BEND2: variants seen among roughly 807,000 people sequenced by gnomAD.
BEND2 encodes the protein BEN domain containing 2.
A neutral mutation model predicts 43.8 loss-of-function variants in BEND2; 19 were observed. That is an observed-to-expected ratio of 0.43 (90% CI 0.30 to 0.64). The LOEUF is 0.64. Ranked by LOEUF, BEND2 falls within the 30% of genes least tolerant of loss-of-function variation. The pLI, the probability that BEND2 is intolerant of heterozygous loss-of-function variation, is 0.11. For missense variants in BEND2, 544 were observed against 574.0 expected, an observed-to-expected ratio of 0.95 and a Z score of 0.53; for synonymous variants, 226 against 210.1, an observed-to-expected ratio of 1.08 and a Z score of -0.66.
chrX:18,196,291 T>C (rs1453220855), intron 6 of BEND2, among the ~76,000 whole-genome samples: 1 of 104,224 alleles, frequency 9.6e-6, no homozygotes, highest in Non-Finnish European at 2.0e-5. Flanking sequence ...AGAGCGAGAC[T>C]GTCTCAATTG....
chrX:18,202,052 G>A, intron 5 of BEND2, 112 bp from the exon 6 acceptor site: 3 of 788,033 alleles, frequency 3.8e-6, no homozygotes, highest in Non-Finnish European at 5.3e-6. Context: ...CACACACAAA[G>A]GAAAACAAAA....
chrX:18,216,729 A>G lies in BEND2; in HGVS notation c.30T>C (p.Phe10=). ...CACTGTCGTCGACAGTTATAATAAC[A>G]AAATCTAAGAATAAGCAAAGAGGAA... The part of the protein sequence containing the change: MSERTQEQD[F]VIITVDDSDD... The change falls in exon 2 of 14, where the codon TTT becomes TTC. Residue 10 remains phenylalanine, a synonymous_variant. Coordinates refer to ENST00000380033, the MANE Select transcript of BEND2 (RefSeq NM_153346.5). 8.5e-7 allele frequency: 1 copy of G among 1,179,578 alleles called. No homozygotes were observed. The highest frequency in any genetic ancestry group is 1.2e-6 in the Non-Finnish European group (1 of 868,403).
chrX:18,187,963 G>T (rs5955943), intron 8 of BEND2, among the ~76,000 whole-genome samples: 3,464 of 108,290 alleles, frequency 0.032, 127 homozygotes, highest in African/African-American at 0.11. Context: ...GAGGGAAATT[G>T]AAAAAAAAAT....
intron 1 of BEND2, 46 bp from the exon 2 acceptor site, chrX:18,216,779 T>C (rs1183144262): frequency 1.0e-6 from 1 of 999,322 alleles, no homozygotes; most frequent in East Asian, 3.2e-5. Context: ...TCACATTAAA[T>C]AAACAGTTTC....
intron 9 of BEND2, among the ~76,000 whole-genome samples, chrX:18,178,112 C>T (rs1202676727): frequency 9.0e-6 from 1 of 111,593 alleles, no homozygotes; most frequent in African/African-American, 3.3e-5. Flanking sequence ...GCCCTGAGTT[C>T]CCACTGCTCC....
intron 13 of BEND2, among the ~76,000 whole-genome samples, chrX:18,169,895 T>C (rs1029321729): frequency 2.7e-5 from 3 of 112,228 alleles, no homozygotes; most frequent in Non-Finnish European, 5.6e-5. Context: ...ATATTTTTCA[T>C]CAACTTTTAA....
chrX:18,190,267 A>T (rs990929141), intron 8 of BEND2, among the ~76,000 whole-genome samples: 4 of 111,502 alleles, frequency 3.6e-5, no homozygotes, highest in African/African-American at 1.3e-4. Flanking sequence ...TTCACACAAA[A>T]ACCTGTACTC....
At chrX:18,165,298 T>C in intron 13 of BEND2, 75 bp from the exon 14 acceptor site, 1 of 832,427 alleles carries the variant, frequency 1.2e-6, no homozygotes, top group Non-Finnish European at 1.8e-6. Context: ...TCAACTTTCA[T>C]TCTACTACTG....
chrX:18,175,897 A>G lies in BEND2; in HGVS notation c.1752+75T>C, dbSNP rs181089539. 89 of 950,079 alleles carry G rather than the reference A, an allele frequency of 9.4e-5. 1 individual carries two copies. In the African/African-American group the frequency reaches 1.3e-3, roughly 14 times the overall value. The allele number at this position is 950,079 out of a possible 1,213,427, so 78.3% of individuals were successfully genotyped here. Reference sequence around the variant, plus strand: ...ACATGGCCTAAAGAGACTGTGCCTCATGCTATCAGTTCTGAAACTGTACAC... The same window carrying G: ...ACATGGCCTAAAGAGACTGTGCCTCGTGCTATCAGTTCTGAAACTGTACAC... On this transcript the variant is annotated intron_variant, in intron 11 of 13. Coordinates refer to ENST00000380033, the MANE Select transcript of BEND2 (RefSeq NM_153346.5).
intron 13 of BEND2, 186 bp downstream of exon 13, chrX:18,170,815 G>T: frequency 1.9e-6 from 1 of 519,013 alleles, no homozygotes; most frequent in Non-Finnish European, 2.4e-6. Context: ...TTAGCCCTAA[G>T]AACCCAAATG....
chrX:18,213,452 A>C (rs1925572961), intron 3 of BEND2, among the ~76,000 whole-genome samples: 1 of 111,684 alleles, frequency 9.0e-6, no homozygotes, highest in Non-Finnish European at 1.9e-5. Flanking sequence ...AGGCACAATT[A>C]AGGGATTCAA....
At position 18,163,316 on chromosome X, in the gene BEND2, A is replaced by C. The variant is rs182994225; in HGVS notation, c.*1693T>G. The C allele has an allele frequency of 1.8e-5, 2 of 111,411 alleles. No homozygotes were observed. The highest frequency in any genetic ancestry group is 5.6e-4 in the East Asian group (2 of 3,555). 9.2% of individuals were successfully genotyped at this position (111,411 alleles called of 1,213,427 possible). On this transcript the variant is annotated 3_prime_UTR_variant, in exon 14 of 14. Coordinates refer to ENST00000380033, the MANE Select transcript of BEND2 (RefSeq NM_153346.5). ...CTTTTAAACACTTTTTTTTATAAAT[A>C]AGAGGCATTTTGAACTGTGCCATCC... is the stretch of plus-strand genomic sequence containing the variant.
chrX:18,179,638 G>A (rs1260155271), intron 9 of BEND2, among the ~76,000 whole-genome samples: 1 of 112,286 alleles, frequency 8.9e-6, no homozygotes, highest in Non-Finnish European at 1.9e-5. Context: ...ATGGGCTGAG[G>A]CTGCTCTTAT....
chrX:18,190,558 C>G (rs754939481), intron 8 of BEND2, among the ~76,000 whole-genome samples: 2 of 111,083 alleles, frequency 1.8e-5, no homozygotes, highest in Non-Finnish European at 3.8e-5. Context: ...GGAGAACATA[C>G]TAGTAGTTGT....
intron 7 of BEND2, among the ~76,000 whole-genome samples, chrX:18,192,955 C>G (rs1266395376): frequency 1.8e-5 from 2 of 111,291 alleles, no homozygotes; most frequent in Non-Finnish European, 3.8e-5. Context: ...GCCTGGCCAA[C>G]ATGGTGAAAC....
intron 4 of BEND2, among the ~76,000 whole-genome samples, chrX:18,210,125 G>A (rs1925459807): frequency 1.8e-5 from 2 of 110,043 alleles, no homozygotes; most frequent in South Asian, 7.9e-4. Context: ...ATTGTCTAAT[G>A]AAAAGAAGCA....
At chrX:18,205,170 G>A (rs776826929) in intron 4 of BEND2, among the ~76,000 whole-genome samples, 1 of 110,588 alleles carries the variant, frequency 9.0e-6, no homozygotes, top group African/African-American at 3.3e-5. Context: ...CTTAAACAAA[G>A]GGCCAGAAAC....
At chrX:18,207,943 C>G (rs1007030496) in intron 4 of BEND2, among the ~76,000 whole-genome samples, 2 of 108,495 alleles carry the variant, frequency 1.8e-5, no homozygotes, top group Non-Finnish European at 3.8e-5. Context: ...CGCTTAAGCC[C>G]GGGAGGCAGA....
intron 6 of BEND2, among the ~76,000 whole-genome samples, chrX:18,198,787 G>T (rs1456430174): frequency 9.1e-6 from 1 of 109,342 alleles, no homozygotes; most frequent in Non-Finnish European, 1.9e-5. Context: ...CAATAGCAAA[G>T]ACTTGGAACC....
Sources: allele counts gnomAD v4.1 joint callset (sites outside exome capture counted in the v4.1 genomes callset), GRCh38; gene constraint gnomAD v4.1.1; transcripts MANE v1.5; gene names NCBI Gene and HGNC (gene_info 2026-07-23, HGNC 2026-07-21).